Variants in CNBD2 observed in about 807,000 individuals in gnomAD.
CNBD2 encodes the protein cyclic nucleotide binding domain containing 2.
A neutral mutation model predicts 63.7 loss-of-function variants in CNBD2; 64 were observed. The observed-to-expected ratio is 1.00, with a 90% confidence interval of 0.82 to 1.24. The LOEUF is 1.24. Among genes scored for constraint, CNBD2 ranks in the 50% most tolerant of loss-of-function variants. The probability of loss-of-function intolerance (pLI) is 0.00; values close to 1 mark genes in which losing one functional copy is unlikely to be tolerated. For synonymous variants in CNBD2, 229 were observed against 255.4 expected, an observed-to-expected ratio of 0.90 and a Z score of 0.99; for missense variants, 691 against 713.5, an observed-to-expected ratio of 0.97 and a Z score of 0.36.
At chr20:36,010,444 CAAAAA>C (rs147122121) in intron 9 of CNBD2, among the ~76,000 whole-genome samples, 1 of 92,982 alleles carries the variant, frequency 1.1e-5, no homozygotes, top group Admixed American at 1.2e-4. Context: ...AACTCTGTCT[CAAAAA>C]AAAAAAAAAA....
At chr20:36,019,336 G>A (rs2057176168) in intron 10 of CNBD2, among the ~76,000 whole-genome samples, 1 of 151,744 alleles carries the variant, frequency 6.6e-6, no homozygotes, top group Admixed American at 6.6e-5. Flanking sequence ...ACCAGCCTGG[G>A]CAACATGATG....
chr20:36,024,088 C>T (rs1034466500), intron 11 of CNBD2, among the ~76,000 whole-genome samples: 7 of 152,218 alleles, frequency 4.6e-5, no homozygotes, highest in African/African-American at 1.7e-4. Flanking sequence ...ATAATCCCAG[C>T]ACTTTGGGAA....
intron 7 of CNBD2, among the ~76,000 whole-genome samples, chr20:35,987,969 CA>C (rs1346483946): frequency 6.0e-5 from 9 of 149,482 alleles, no homozygotes; most frequent in African/African-American, 2.2e-4. Flanking sequence ...TCCTGGGTTT[CA>C]GCAATTCTTC....
At chr20:36,019,993 G>A (rs1313176549) in intron 10 of CNBD2, among the ~76,000 whole-genome samples, 1 of 152,212 alleles carries the variant, frequency 6.6e-6, no homozygotes. Flanking sequence ...TGTAGTTGCT[G>A]AAAGCACAGA....
At chr20:36,004,662 G>A in intron 8 of CNBD2, among the ~76,000 whole-genome samples, 1 of 151,964 alleles carries the variant, frequency 6.6e-6, no homozygotes, top group East Asian at 1.9e-4. Context: ...GACCTCCTGG[G>A]CTCAAGCAGT....
At chr20:35,996,472 TA>T (rs1316370181) in intron 8 of CNBD2, among the ~76,000 whole-genome samples, 1 of 152,080 alleles carries the variant, frequency 6.6e-6, no homozygotes, top group Non-Finnish European at 1.5e-5. Context: ...TGACTGTTTA[TA>T]CATATTGCAT....
chr20:36,005,162 T>C (rs1442564943), intron 8 of CNBD2, among the ~76,000 whole-genome samples: 1 of 152,190 alleles, frequency 6.6e-6, no homozygotes, highest in African/African-American at 2.4e-5. Flanking sequence ...AATTACTGGA[T>C]CAAATAGTTC....
At chr20:36,001,813 G>C (rs1207435155) in intron 8 of CNBD2, among the ~76,000 whole-genome samples, 1 of 151,310 alleles carries the variant, frequency 6.6e-6, no homozygotes, top group Non-Finnish European at 1.5e-5. Context: ...GCCGGGCAGA[G>C]ACGCTCCTCA....
downstream of CNBD2, among the ~76,000 whole-genome samples, chr20:35,957,203 A>T (rs893206060): frequency 6.6e-6 from 1 of 152,216 alleles, no homozygotes; most frequent in African/African-American, 2.4e-5. Context: ...AATGGAATTT[A>T]AAAATCCAGC....
At chr20:35,963,735 G>A (rs75203156), upstream of CNBD2, among the ~76,000 whole-genome samples, 2,623 of 152,212 alleles carry the variant, frequency 0.017, 33 homozygotes, top group Non-Finnish European at 0.023. Flanking sequence ...TAGTATTTAA[G>A]TGTTAAAAGA....
At chr20:35,972,465 G>A (rs1219583659) in intron 1 of CNBD2, among the ~76,000 whole-genome samples, 164 bp from the exon 2 acceptor site, 2 of 152,132 alleles carry the variant, frequency 1.3e-5, no homozygotes, top group Non-Finnish European at 2.9e-5. Flanking sequence ...CTTAATTTCA[G>A]CAGGCTTGCA....
upstream of CNBD2, among the ~76,000 whole-genome samples, chr20:35,967,904 C>G (rs544713730): frequency 1.3e-5 from 2 of 152,148 alleles, no homozygotes; most frequent in Non-Finnish European, 2.9e-5. Context: ...CAAATTGAGA[C>G]TTAGCTTAGG....
At chr20:35,964,267 G>T (rs553262203), upstream of CNBD2, among the ~76,000 whole-genome samples, 1 of 151,020 alleles carries the variant, frequency 6.6e-6, no homozygotes, top group African/African-American at 2.4e-5. Flanking sequence ...CACAACTTCC[G>T]CCTCCTGGGT....
At chr20:35,996,146 T>A (rs1242685473) in intron 8 of CNBD2, among the ~76,000 whole-genome samples, 2 of 152,240 alleles carry the variant, frequency 1.3e-5, no homozygotes, top group African/African-American at 2.4e-5. Context: ...AGTACTCTTC[T>A]GTGTTATATA....
intron 8 of CNBD2, among the ~76,000 whole-genome samples, chr20:35,996,013 C>T (rs765923640): frequency 1.1e-4 from 16 of 152,162 alleles, no homozygotes; most frequent in Non-Finnish European, 2.4e-4. Context: ...AGAGGGAGCA[C>T]TTCTGTCTTT....
chr20:35,956,810 C>G (rs1271844835), downstream of CNBD2, among the ~76,000 whole-genome samples: 1 of 152,084 alleles, frequency 6.6e-6, no homozygotes, highest in Admixed American at 6.6e-5. Context: ...AGCTGAGACT[C>G]AAGAACAAAA....
intron 7 of CNBD2, among the ~76,000 whole-genome samples, chr20:35,991,545 T>C (rs1443153859): frequency 6.6e-6 from 1 of 152,204 alleles, no homozygotes; most frequent in African/African-American, 2.4e-5. Flanking sequence ...ACCTCTGCCA[T>C]ATCTCTCCAA....
At chr20:36,030,224 G>A (rs887937705) in intron 11 of CNBD2, 133 bp from the exon 12 acceptor site, 5 of 870,916 alleles carry the variant, frequency 5.7e-6, no homozygotes, top group South Asian at 1.6e-5. Flanking sequence ...GGGAAAGGGT[G>A]CAGAAGGAGA....
At chr20:35,995,745 TTG>T (rs2056816109) in intron 8 of CNBD2, among the ~76,000 whole-genome samples, 1 of 152,252 alleles carries the variant, frequency 6.6e-6, no homozygotes, top group Non-Finnish European at 1.5e-5. Flanking sequence ...ATGCAAGTTT[TTG>T]TGTGAACATA....
Sources: allele counts gnomAD v4.1 joint callset (sites outside exome capture counted in the v4.1 genomes callset), GRCh38; gene constraint gnomAD v4.1.1; transcripts MANE v1.5; gene names NCBI Gene and HGNC (gene_info 2026-07-23, HGNC 2026-07-21).